The following COL21A1 variants were observed in gnomAD, a reference collection of about 807,000 sequenced individuals.
COL21A1 encodes the protein collagen type XXI alpha 1 chain.
COL21A1 carries 149 observed loss-of-function variants against 137.9 expected under a neutral mutation model. The ratio of observed to expected loss-of-function variants is 1.08; its 90% CI spans 0.95 to 1.24. COL21A1 has a LOEUF of 1.24. Among genes scored for constraint, COL21A1 ranks in the 50% most tolerant of loss-of-function variants. The pLI is 0.00. For missense variants in COL21A1, 1,167 were observed against 1,158.4 expected (o/e 1.01, Z -0.11); for synonymous variants, 456 against 391.5 (o/e 1.16, Z -1.95).
intron 1 of COL21A1, among the ~76,000 whole-genome samples, chr6:56,244,035 TACTC>T (rs1463874546): frequency 1.3e-5 from 2 of 152,192 alleles, no homozygotes; most frequent in African/African-American, 4.8e-5. Context: ...TGATAGGCCT[TACTC>T]ACAACAGTTT....
intron 16 of COL21A1, among the ~76,000 whole-genome samples, chr6:56,103,079 T>G (rs1342049824): frequency 6.6e-6 from 1 of 152,180 alleles, no homozygotes; most frequent in African/African-American, 2.4e-5. Context: ...AACACTCATA[T>G]CAATAGTCAG....
chr6:56,154,306 C>A (rs1195921623), intron 10 of COL21A1, among the ~76,000 whole-genome samples: 1 of 152,094 alleles, frequency 6.6e-6, no homozygotes, highest in Admixed American at 6.5e-5. Context: ...AATCATGAGC[C>A]AAATAAACCT....
chr6:56,154,765 C>T (rs1045199553), intron 10 of COL21A1, among the ~76,000 whole-genome samples: 11 of 152,170 alleles, frequency 7.2e-5, no homozygotes, highest in Non-Finnish European at 1.2e-4. Context: ...ATTGCCCTCA[C>T]ACTCTGAATC....
At chr6:56,175,581 G>A (rs1777404256) in intron 3 of COL21A1, among the ~76,000 whole-genome samples, 1 of 151,712 alleles carries the variant, frequency 6.6e-6, no homozygotes, top group Non-Finnish European at 1.5e-5. Context: ...CTTAACCAAA[G>A]AATCAAAAAC....
At position 56,301,923 on chromosome 6, in the gene COL21A1, C is replaced by A. The variant is rs371532168; in HGVS notation, c.-39+92048G>T. Among the ~76,000 whole-genome samples, 359 of 152,112 alleles carry A rather than the reference C, an allele frequency of 2.4e-3. 1 individual carries two copies. The highest frequency in any genetic ancestry group is 8.3e-3 in the African/African-American group (345 of 41,488). On this transcript the variant is annotated intron_variant, in intron 1 of 28. Transcript: ENST00000370819. Reference sequence around the variant, plus strand: ...CTTCCTGTGTCCCATGCTCCCCTTCCTGCATCCATGTGTTCTCATTGTTCA... The same window carrying A: ...CTTCCTGTGTCCCATGCTCCCCTTCATGCATCCATGTGTTCTCATTGTTCA...
chr6:56,206,594 T>C (rs1355860861), intron 1 of COL21A1, among the ~76,000 whole-genome samples: 1 of 150,472 alleles, frequency 6.6e-6, no homozygotes, highest in African/African-American at 2.4e-5. Flanking sequence ...AGACAGAAAA[T>C]TAACAAGGAT....
rs761491330 is a variant in COL21A1 at position 56,057,550 on chromosome 6, G to A, written c.*107C>T. 125 of 989,004 alleles carry A rather than the reference G, an allele frequency of 1.3e-4. No individual in the cohort carries two copies. The highest frequency in any genetic ancestry group is 1.7e-4 in the Non-Finnish European group (114 of 661,910). 61.3% of individuals were successfully genotyped at this position (989,004 alleles called of 1,614,324 possible). A position where few individuals can be genotyped will look rare whatever the true frequency, so the allele number is the denominator to read the frequency against. On this transcript the variant is annotated 3_prime_UTR_variant, in exon 30 of 30. Coordinates refer to ENST00000244728, the MANE Select transcript of COL21A1 (RefSeq NM_030820.4). Reference sequence around the variant, plus strand: ...ATAAGAAAAAAAAAATAAAAACACCGAGGTACTTAAGTTTCTTTTCAAGGG... The same window carrying A: ...ATAAGAAAAAAAAAATAAAAACACCAAGGTACTTAAGTTTCTTTTCAAGGG...
chr6:56,288,916 C>A (rs1763975455), intron 1 of COL21A1, among the ~76,000 whole-genome samples: 2 of 152,162 alleles, frequency 1.3e-5, no homozygotes. Context: ...TACAAGAATT[C>A]CCTATTGGGA....
intron 17 of COL21A1, among the ~76,000 whole-genome samples, chr6:56,080,442 A>T (rs1235625146): frequency 2.0e-5 from 3 of 151,808 alleles, no homozygotes; most frequent in Admixed American, 6.6e-5. Flanking sequence ...TGTACAACAA[A>T]CAAGTTGTTA....
chr6:56,184,524 A>G (rs564492735), intron 1 of COL21A1, among the ~76,000 whole-genome samples: 164 of 152,324 alleles, frequency 1.1e-3, no homozygotes, highest in African/African-American at 3.8e-3. Flanking sequence ...AACAGAAAAA[A>G]TTAGTAGTGG....
intron 3 of COL21A1, among the ~76,000 whole-genome samples, chr6:56,179,089 G>A (rs905916774): frequency 6.6e-6 from 1 of 151,782 alleles, no homozygotes; most frequent in African/African-American, 2.4e-5. Flanking sequence ...ATACACAAGA[G>A]TATATCATAC....
At chr6:56,305,724 G>A (rs1764429540) in intron 1 of COL21A1, among the ~76,000 whole-genome samples, 1 of 152,020 alleles carries the variant, frequency 6.6e-6, no homozygotes, top group African/African-American at 2.4e-5. Context: ...GGAGCATTTA[G>A]TCCATTTACA....
intron 1 of COL21A1, among the ~76,000 whole-genome samples, chr6:56,385,615 G>A (rs1230056772): frequency 6.6e-6 from 1 of 152,016 alleles, no homozygotes; most frequent in African/African-American, 2.4e-5. Flanking sequence ...ATAATTCAGT[G>A]TCATATAGTA....
intron 1 of COL21A1, among the ~76,000 whole-genome samples, chr6:56,311,458 A>G (rs1161382428): frequency 6.6e-6 from 1 of 152,210 alleles, no homozygotes; most frequent in African/African-American, 2.4e-5. Context: ...AAGCTAGTGG[A>G]ACCCTTTATA....
intron 1 of COL21A1, among the ~76,000 whole-genome samples, chr6:56,243,764 G>T (rs1481997929): frequency 6.6e-6 from 1 of 152,180 alleles, no homozygotes; most frequent in Non-Finnish European, 1.5e-5. Flanking sequence ...CAACTAGAAA[G>T]TAATGAGGTC....
At chr6:56,240,561 A>T (rs1255538579) in intron 1 of COL21A1, among the ~76,000 whole-genome samples, 1 of 152,244 alleles carries the variant, frequency 6.6e-6, no homozygotes, top group Non-Finnish European at 1.5e-5. Flanking sequence ...TTCCTAAAGG[A>T]TCCAATGACT....
At chr6:56,360,920 G>A (rs552660461) in intron 1 of COL21A1, among the ~76,000 whole-genome samples, 1 of 152,068 alleles carries the variant, frequency 6.6e-6, no homozygotes, top group Admixed American at 6.6e-5. Flanking sequence ...GCCATCATGG[G>A]GAAACTCCGT....
intron 17 of COL21A1, among the ~76,000 whole-genome samples, chr6:56,092,304 G>T (rs1011896067): frequency 6.6e-6 from 1 of 152,022 alleles, no homozygotes; most frequent in East Asian, 1.9e-4. Context: ...AAAAATAAGC[G>T]AAGTAATTGA....
At chr6:56,114,324 G>A (rs889789159) in intron 16 of COL21A1, among the ~76,000 whole-genome samples, 11 of 152,176 alleles carry the variant, frequency 7.2e-5, no homozygotes, top group African/African-American at 2.7e-4. Flanking sequence ...AGGGGTGCTT[G>A]TATCACTCCA....
Sources: allele counts gnomAD v4.1 joint callset (sites outside exome capture counted in the v4.1 genomes callset), GRCh38; gene constraint gnomAD v4.1.1; transcripts MANE v1.5; gene names NCBI Gene and HGNC (gene_info 2026-07-23, HGNC 2026-07-21).